COL21A1: variants seen among roughly 807,000 people sequenced by gnomAD.
COL21A1 encodes the protein collagen type XXI alpha 1 chain.
In COL21A1, 149 loss-of-function variants were observed where a neutral mutation model predicts 137.9. The observed-to-expected ratio is 1.08, with a 90% confidence interval of 0.95 to 1.24. COL21A1 has a LOEUF of 1.24. COL21A1 is among the 50% of genes most tolerant of loss of function. The pLI is 0.00. For synonymous variants in COL21A1, 456 were observed against 391.5 expected, an observed-to-expected ratio of 1.16 and a Z score of -1.95; for missense variants, 1,167 against 1,158.4, an observed-to-expected ratio of 1.01 and a Z score of -0.11.
intron 1 of COL21A1, among the ~76,000 whole-genome samples, chr6:56,183,689 T>C (rs1203795117): frequency 6.6e-6 from 1 of 152,178 alleles, no homozygotes; most frequent in Non-Finnish European, 1.5e-5. Context: ...GAAATTTTTA[T>C]TCCTGATCAG....
chr6:56,317,391 T>C (rs73745460), intron 1 of COL21A1, among the ~76,000 whole-genome samples: 4,463 of 152,268 alleles, frequency 0.029, 227 homozygotes, highest in African/African-American at 0.1. Flanking sequence ...CAATCCCCCA[T>C]ACTGTCACAA....
In COL21A1 at chr6:56,130,878, T is replaced by C. The variant is rs1282277899; in HGVS notation, c.1543-4729A>G. On this transcript the variant is annotated intron_variant, in intron 12 of 29. Transcript: ENST00000244728. ...AAAAAAGTATGGCTCAAACACATTA[T>C]ACTCAATCAAGTTATTTATAAGGTT... 7.9e-5 allele frequency among the ~76,000 whole-genome samples: 12 copies of C among 152,170 alleles called. No homozygotes were observed. In the East Asian group the frequency reaches 1.7e-3, roughly 22 times the overall value.
At position 56,060,909 on chromosome 6, in the gene COL21A1, TG is replaced by T; in HGVS notation, c.2333del (p.Pro778GlnfsTer23). On this transcript the variant is annotated frameshift_variant, in exon 26 of 30. Coordinates refer to ENST00000244728, the MANE Select transcript of COL21A1 (RefSeq NM_030820.4). LOFTEE classifies it high-confidence loss of function. ...TACATACGGGCTTCCCATCCAAACC[TG>T]GGGGTCCCTGAGGACCTGGATCCCC... Reference protein sequence around the residue: ...QPGDPGPQGPPGLDGKPGREF... With the variant: ...QPGDPGPQGPXGLDGKPGREF... 6.3e-7 allele frequency: 1 copy of T among 1,577,584 alleles called. No individual in the cohort carries two copies. The highest frequency in any genetic ancestry group is 8.6e-7 in the Non-Finnish European group (1 of 1,167,816).
chr6:56,301,072 G>A (rs944838432), intron 1 of COL21A1, among the ~76,000 whole-genome samples: 1 of 152,136 alleles, frequency 6.6e-6, no homozygotes, highest in African/African-American at 2.4e-5. Context: ...AGGCAAGGCA[G>A]AATAGCTACA....
intron 19 of COL21A1, 64 bp downstream of exon 19, chr6:56,075,415 C>T (rs1767136035): frequency 7.9e-7 from 1 of 1,272,110 alleles, no homozygotes. Context: ...CGAATATGAA[C>T]TCCTAGTAGG....
intron 1 of COL21A1, among the ~76,000 whole-genome samples, chr6:56,369,251 G>T (rs1437815529): frequency 1.3e-5 from 2 of 151,606 alleles, no homozygotes; most frequent in African/African-American, 4.8e-5. Flanking sequence ...AGATAATGAA[G>T]GCATACTATA....
intron 1 of COL21A1, among the ~76,000 whole-genome samples, chr6:56,200,874 G>A (rs1433642865): frequency 7.2e-5 from 11 of 152,158 alleles, no homozygotes; most frequent in African/African-American, 1.7e-4. Flanking sequence ...CTGAGGAATC[G>A]CCACACTGAC....
intron 1 of COL21A1, among the ~76,000 whole-genome samples, chr6:56,205,724 G>T (rs1561982738): frequency 1.3e-5 from 2 of 152,172 alleles, no homozygotes; most frequent in African/African-American, 4.8e-5. Flanking sequence ...AATGTTAAGG[G>T]CAGCCAGAGA....
intron 7 of COL21A1, among the ~76,000 whole-genome samples, chr6:56,165,205 A>T (rs2152268243): frequency 6.6e-6 from 1 of 152,304 alleles, no homozygotes; most frequent in Admixed American, 6.5e-5. Context: ...GGAAGTCACA[A>T]ACTGCATGCA....
At chr6:56,164,646 C>T (rs1198176314) in intron 8 of COL21A1, 140 bp from the exon 9 acceptor site, 2 of 860,228 alleles carry the variant, frequency 2.3e-6, no homozygotes, top group Non-Finnish European at 3.6e-6. Flanking sequence ...CTAACCCAAC[C>T]CAATAGGAAA....
At position 56,075,477 on chromosome 6, in the gene COL21A1, A is replaced by G; in HGVS notation, c.1911+2T>C. The stretch of plus-strand genomic sequence containing the variant: ...TGTATGATGATAATGACATCAACAT[A>G]CAGGCATCCCTGGGGCTCCTTTTTT... On this transcript the variant is annotated splice_donor_variant, in intron 19 of 29. Transcript: ENST00000244728. LOFTEE classifies it high-confidence loss of function. The G allele has an allele frequency of 6.5e-7, 1 of 1,538,728 alleles. No homozygotes were observed. Among genetic ancestry groups the G allele is most frequent in the Non-Finnish European group, 8.8e-7 (1 of 1,141,650 alleles).
chr6:56,225,505 T>C (rs1781129611), intron 1 of COL21A1, among the ~76,000 whole-genome samples: 1 of 152,038 alleles, frequency 6.6e-6, no homozygotes, highest in African/African-American at 2.4e-5. Flanking sequence ...AACAAAAATG[T>C]ACTTGACAGC....
chr6:56,113,732 C>T (rs1348725774), intron 16 of COL21A1, among the ~76,000 whole-genome samples: 3 of 152,070 alleles, frequency 2.0e-5, no homozygotes, highest in Admixed American at 1.3e-4. Context: ...AACACTGCCA[C>T]GGGGAAGTAG....
chr6:56,360,268 A>G (rs1321844430), intron 1 of COL21A1, among the ~76,000 whole-genome samples: 1 of 152,204 alleles, frequency 6.6e-6, no homozygotes, highest in African/African-American at 2.4e-5. Flanking sequence ...TCGACTTCAC[A>G]CTGATGTGAT....
chr6:56,347,537 A>G (rs1765623107), intron 1 of COL21A1, among the ~76,000 whole-genome samples: 3 of 150,926 alleles, frequency 2.0e-5, no homozygotes, highest in Non-Finnish European at 4.4e-5. Context: ...AAAAAAAAAA[A>G]GCAAAGCAGT....
intron 3 of COL21A1, among the ~76,000 whole-genome samples, chr6:56,175,795 G>A (rs1777423121): frequency 6.6e-6 from 1 of 152,074 alleles, no homozygotes; most frequent in Admixed American, 6.6e-5. Flanking sequence ...AAATTTATAT[G>A]AAACCTCAAA....
At chr6:56,341,448 CAT>C (rs1460351648) in intron 1 of COL21A1, among the ~76,000 whole-genome samples, 1 of 152,010 alleles carries the variant, frequency 6.6e-6, no homozygotes, top group East Asian at 1.9e-4. Context: ...ATGGAGGAAA[CAT>C]AAATGAAAGT....
At chr6:56,233,623 A>C (rs9475640) in intron 1 of COL21A1, among the ~76,000 whole-genome samples, 85,798 of 151,078 alleles carry the variant, frequency 0.57, 24,561 homozygotes, top group East Asian at 0.77. Context: ...AGAAAAAACT[A>C]AAAAGAGACA....
chr6:56,343,527 G>A (rs1765516798), intron 1 of COL21A1, among the ~76,000 whole-genome samples: 1 of 152,194 alleles, frequency 6.6e-6, no homozygotes, highest in South Asian at 2.1e-4. Flanking sequence ...CTTGCTGGGT[G>A]AATGACTATC....
Sources: allele counts gnomAD v4.1 joint callset (sites outside exome capture counted in the v4.1 genomes callset), GRCh38; gene constraint gnomAD v4.1.1; transcripts MANE v1.5; gene names NCBI Gene and HGNC (gene_info 2026-07-23, HGNC 2026-07-21).